Variants in EXOC6B observed in about 807,000 individuals in gnomAD.
EXOC6B encodes the protein exocyst complex component 6B, also known as SEC15 homolog B.
A neutral mutation model predicts 113.5 loss-of-function variants in EXOC6B; 54 were observed. That is an observed-to-expected ratio of 0.48 (90% CI 0.38 to 0.60). The LOEUF (loss-of-function observed/expected upper bound fraction) is 0.60, where lower values mean the gene tolerates loss of function less well. Ranked by LOEUF, EXOC6B falls within the 20% of genes least tolerant of loss-of-function variation. The pLI, the probability that EXOC6B is intolerant of heterozygous loss-of-function variation, is 0.00. For missense variants in EXOC6B, 797 were observed against 977.5 expected (o/e 0.82, Z 2.46); for synonymous variants, 357 against 339.0 (o/e 1.05, Z -0.58).
chr2:72,705,785 C>A (rs745355994), intron 6 of EXOC6B, among the ~76,000 whole-genome samples: 15 of 152,134 alleles, frequency 9.9e-5, no homozygotes, highest in African/African-American at 1.2e-4. Flanking sequence ...CAATTCTTTT[C>A]ATTTACAAAA....
chr2:72,521,720 G>A (rs983997231), intron 8 of EXOC6B, among the ~76,000 whole-genome samples: 13 of 151,838 alleles, frequency 8.6e-5, no homozygotes, highest in African/African-American at 3.1e-4. Flanking sequence ...TTTTTGAGAT[G>A]GAGTCTCGCT....
At chr2:72,376,880 A>G (rs964321566) in intron 19 of EXOC6B, among the ~76,000 whole-genome samples, 1 of 150,632 alleles carries the variant, frequency 6.6e-6, no homozygotes, top group Non-Finnish European at 1.5e-5. Context: ...TTCAAAGGCT[A>G]TTGAGTTTTG....
In EXOC6B at chr2:72,594,980, C is replaced by T. The variant is rs145517774; in HGVS notation, c.670-19312G>A. ...AGACAATTAATAAGCATGGTGACGC[C>T]GGACGCAGTGGCTCATGCCTGTAAT... On this transcript the variant is annotated intron_variant, in intron 6 of 21. Transcript: ENST00000272427. 4.2e-3 allele frequency among the ~76,000 whole-genome samples: 634 copies of T among 152,038 alleles called. 5 individuals carry two copies. The highest frequency in any genetic ancestry group is 0.013 in the African/African-American group (555 of 41,490).
At chr2:72,707,353 T>A (rs1166064218) in intron 6 of EXOC6B, among the ~76,000 whole-genome samples, 1 of 152,072 alleles carries the variant, frequency 6.6e-6, no homozygotes, top group Non-Finnish European at 1.5e-5. Context: ...CTTTATTTCT[T>A]CCATGGCACT....
intron 18 of EXOC6B, among the ~76,000 whole-genome samples, chr2:72,412,550 C>T (rs996552731): frequency 1.3e-5 from 2 of 152,158 alleles, no homozygotes; most frequent in Non-Finnish European, 2.9e-5. Context: ...CTAACACAAA[C>T]GTCTACAGAA....
At chr2:72,752,883 G>C (rs914265263) in intron 1 of EXOC6B, among the ~76,000 whole-genome samples, 10 of 151,496 alleles carry the variant, frequency 6.6e-5, no homozygotes, top group African/African-American at 2.4e-4. Context: ...ACTCCTTCTT[G>C]GTTCTCCCCA....
intron 1 of EXOC6B, among the ~76,000 whole-genome samples, chr2:72,781,133 T>C (rs1684012285): frequency 6.6e-6 from 1 of 152,208 alleles, no homozygotes; most frequent in Non-Finnish European, 1.5e-5. Context: ...TTGAAGATTC[T>C]AAATAAAATC....
At chr2:72,267,615 C>A (rs1439852397) in intron 20 of EXOC6B, among the ~76,000 whole-genome samples, 1 of 152,280 alleles carries the variant, frequency 6.6e-6, no homozygotes, top group East Asian at 1.9e-4. Flanking sequence ...CCCACTTGAT[C>A]ATGGTAGATA....
intron 6 of EXOC6B, among the ~76,000 whole-genome samples, chr2:72,704,973 T>A (rs1047449018): frequency 1.3e-5 from 2 of 152,164 alleles, no homozygotes; most frequent in Non-Finnish European, 2.9e-5. Flanking sequence ...CCCTAACTCA[T>A]TTTATGAGGC....
chr2:72,548,673 C>A (rs1703038517), intron 8 of EXOC6B, among the ~76,000 whole-genome samples: 1 of 152,118 alleles, frequency 6.6e-6, no homozygotes, highest in Non-Finnish European at 1.5e-5. Context: ...CAAACATTTA[C>A]TGATTATTAC....
intron 8 of EXOC6B, among the ~76,000 whole-genome samples, chr2:72,529,229 T>C (rs1321634855): frequency 6.6e-6 from 1 of 152,180 alleles, no homozygotes; most frequent in Admixed American, 6.5e-5. Context: ...TGTTTTTAAA[T>C]CATGAATGTG....
rs1334839336 is a variant in EXOC6B, at chr2:72,737,695, A to G, written c.279+3609T>C. Reference sequence around the variant, plus strand: ...ATGGTGAAACCCCATCTCTACCAAAAATACAAAAATTAGCCAGGCATGGTG... The same window carrying G: ...ATGGTGAAACCCCATCTCTACCAAAGATACAAAAATTAGCCAGGCATGGTG... On this transcript the variant is annotated intron_variant, in intron 2 of 21. Coordinates refer to ENST00000272427, the MANE Select transcript of EXOC6B (RefSeq NM_015189.3). Among the ~76,000 whole-genome samples the G allele has an allele frequency of 3.0e-4, 46 of 152,064 alleles. 1 individual carries two copies. The highest frequency in any genetic ancestry group is 3.0e-3 in the Admixed American group (46 of 15,268).
chr2:72,315,935 T>G (rs1687488720), intron 20 of EXOC6B, among the ~76,000 whole-genome samples: 1 of 152,214 alleles, frequency 6.6e-6, no homozygotes, highest in Non-Finnish European at 1.5e-5. Flanking sequence ...TTCAACACAT[T>G]AATCAGTCTT....
intron 6 of EXOC6B, among the ~76,000 whole-genome samples, chr2:72,660,644 G>A (rs1488536799): frequency 6.6e-6 from 1 of 152,162 alleles, no homozygotes; most frequent in Non-Finnish European, 1.5e-5. Flanking sequence ...TTCTTTAATG[G>A]AGTCTAATTT....
chr2:72,815,502 A>G (rs1227646519), intron 1 of EXOC6B, among the ~76,000 whole-genome samples: 6 of 151,920 alleles, frequency 3.9e-5, no homozygotes, highest in African/African-American at 9.7e-5. Flanking sequence ...AAAAAAAAAA[A>G]AAAGAAAAAA....
At chr2:72,677,322 G>C (rs2104527620) in intron 6 of EXOC6B, among the ~76,000 whole-genome samples, 1 of 152,092 alleles carries the variant, frequency 6.6e-6, no homozygotes, top group African/African-American at 2.4e-5. Flanking sequence ...CTTGAGCCCA[G>C]GAGTTCAAGA....
At chr2:72,516,931 C>T (rs1407405678) in intron 8 of EXOC6B, among the ~76,000 whole-genome samples, 1 of 152,146 alleles carries the variant, frequency 6.6e-6, no homozygotes, top group Non-Finnish European at 1.5e-5. Flanking sequence ...AGTATAAATG[C>T]CACGCAATAC....
intron 20 of EXOC6B, among the ~76,000 whole-genome samples, chr2:72,275,838 A>G (rs535199608): frequency 6.6e-6 from 1 of 152,240 alleles, no homozygotes; most frequent in East Asian, 1.9e-4. Flanking sequence ...TTCAACTCCA[A>G]ATGACCTTAC....
chr2:72,492,365 T>C lies in EXOC6B; in HGVS notation c.1618A>G (p.Asn540Asp), dbSNP rs963419418. The C allele has an allele frequency of 4.3e-6, 7 of 1,612,966 alleles. No homozygotes were observed. The African/African-American group carries it at 6.7e-5, about 15-fold the overall frequency. Residue 540 changes from asparagine to aspartate, a missense_variant, in exon 16 of 22, where the codon AAC becomes GAC. Physicochemically the swap from Asn to Asp is conservative, Grantham distance 23. Transcript: ENST00000272427. The stretch of plus-strand genomic sequence containing the variant: ...CTTTTAATTACATTCTGCAGAGAGT[T>C]GCTCAGAGTCCTGGTTAGCAACAGG... The part of the protein sequence containing the change: ...TNLLLTRTLS[N>D]SLQNVIKRKN...
Sources: gnomAD v4.1 joint callset for allele counts (sites outside exome capture counted in the v4.1 genomes callset) on GRCh38, gnomAD v4.1.1 for gene constraint, MANE v1.5 for transcripts, NCBI Gene and HGNC (gene_info 2026-07-23, HGNC 2026-07-21) for gene names.